The following ME2 variants were observed in gnomAD, a reference collection of about 807,000 sequenced individuals.
ME2 encodes the protein malic enzyme 2.
ME2 carries 60 observed loss-of-function variants against 73.7 expected under a neutral mutation model. The observed-to-expected ratio is 0.81, with a 90% CI of 0.66 to 1.01. The LOEUF (loss-of-function observed/expected upper bound fraction) is 1.01, where lower values mean the gene tolerates loss of function less well. Among genes scored for constraint, ME2 ranks in the 50% least tolerant of loss-of-function variants. The probability of loss-of-function intolerance (pLI) is 0.00; values close to 1 mark genes in which losing one functional copy is unlikely to be tolerated. For synonymous variants in ME2, 199 were observed against 236.9 expected, an observed-to-expected ratio of 0.84 and a Z score of 1.47; for missense variants, 594 against 705.5, an observed-to-expected ratio of 0.84 and a Z score of 1.79.
chr18:50,942,586 T>C (rs1188456010), intron 15 of ME2: 1 of 234,372 alleles, frequency 4.3e-6, no homozygotes, highest in Admixed American at 5.6e-5. Context: ...AGATCTTTTT[T>C]AAAAAGTGTT....
At chr18:50,920,897 G>C (rs1429818842) in intron 9 of ME2, 139 bp downstream of exon 9, 1 of 741,314 alleles carries the variant, frequency 1.3e-6, no homozygotes, top group Non-Finnish European at 2.2e-6. Context: ...CAAGAGTTCT[G>C]CTGTAAAACA....
chr18:50,919,499 T>TA lies in ME2; in HGVS notation c.735-956dup, dbSNP rs1330683062. ...CTTGGACAACCAAATAGTACCTTCT[T>TA]AGTTACCCCATTACCTTCACATTGT... On this transcript the variant is annotated intron_variant, in intron 7 of 15. Transcript: ENST00000321341. 5.3e-5 allele frequency among the ~76,000 whole-genome samples: 8 copies of TA among 152,266 alleles called. No individual in the cohort carries two copies. The South Asian group carries it at 1.7e-3, about 32-fold the overall frequency.
At position 50,951,150 on chromosome 18, in the gene ME2, T is replaced by A. The variant is rs765500668; in HGVS notation, c.*3966T>A. 6.6e-6 allele frequency: 1 copy of A among 152,260 alleles called. No homozygotes were observed. The highest frequency in any genetic ancestry group is 2.4e-5 in the African/African-American group (1 of 41,474). The allele number at this position is 152,260 out of a possible 1,614,324, so 9.4% of individuals were successfully genotyped here. A position where few individuals can be genotyped will look rare whatever the true frequency, so the allele number is the denominator to read the frequency against. On this transcript the variant is annotated 3_prime_UTR_variant, in exon 16 of 16. Coordinates refer to ENST00000321341, the MANE Select transcript of ME2 (RefSeq NM_002396.5). ...CATTTGTAAAAGATTAGCTATCAAA[T>A]GGACATTTATTTCTCTTAGTTTTCT...
At chr18:50,888,661 C>T (rs1299387220) in intron 1 of ME2, among the ~76,000 whole-genome samples, 1 of 151,910 alleles carries the variant, frequency 6.6e-6, no homozygotes, top group African/African-American at 2.4e-5. Context: ...TAAGTGTGTA[C>T]ATCTAATTAG....
intron 13 of ME2, among the ~76,000 whole-genome samples, chr18:50,936,602 T>TA (rs1204208182): frequency 3.9e-5 from 6 of 152,168 alleles, no homozygotes; most frequent in Non-Finnish European, 7.3e-5. Context: ...ATGTGGGACT[T>TA]ACATTGATTG....
At chr18:50,889,003 A>G (rs1200960271) in intron 1 of ME2, among the ~76,000 whole-genome samples, 1 of 152,072 alleles carries the variant, frequency 6.6e-6, no homozygotes, top group Non-Finnish European at 1.5e-5. Flanking sequence ...CAATATTTGT[A>G]TTTATACTAG....
chr18:50,931,211 G>A (rs1051433456), intron 12 of ME2, among the ~76,000 whole-genome samples: 1 of 152,210 alleles, frequency 6.6e-6, no homozygotes, highest in Non-Finnish European at 1.5e-5. Flanking sequence ...TTGGATAGAT[G>A]TGACAAATTT....
intron 13 of ME2, among the ~76,000 whole-genome samples, chr18:50,936,650 G>A (rs1917826228): frequency 6.6e-6 from 1 of 152,122 alleles, no homozygotes; most frequent in African/African-American, 2.4e-5. Flanking sequence ...GTGGAGCTGG[G>A]GACATTGGCT....
chr18:50,906,364 G>A (rs1257531596), intron 2 of ME2, among the ~76,000 whole-genome samples: 1 of 152,128 alleles, frequency 6.6e-6, no homozygotes, highest in Non-Finnish European at 1.5e-5. Flanking sequence ...CTAGGCTGGA[G>A]TACAGGGGCA....
chr18:50,946,102 G>T (rs1918076185), intron 15 of ME2, among the ~76,000 whole-genome samples: 1 of 123,056 alleles, frequency 8.1e-6, no homozygotes. Context: ...ACAGAGCAAG[G>T]CTCCATCTTA....
In ME2 at chr18:50,883,638, G is replaced by A. The variant is rs146631042; in HGVS notation, c.-13+4330G>A. On this transcript the variant is annotated intron_variant, in intron 1 of 15. Transcript: ENST00000321341. Reference sequence around the variant, plus strand: ...AGCACTTTGGGAGGCCGAGGCGGGCGGATCACCTGAGATCAGGAGTTTGAG... The same window carrying A: ...AGCACTTTGGGAGGCCGAGGCGGGCAGATCACCTGAGATCAGGAGTTTGAG... Among the ~76,000 whole-genome samples, 493 of 152,234 alleles carry A rather than the reference G, an allele frequency of 3.2e-3. 1 individual carries two copies. Among genetic ancestry groups the A allele is most frequent in the Middle Eastern group, 0.02 (6 of 294 alleles).
chr18:50,918,835 C>T (rs1477389135), intron 7 of ME2, among the ~76,000 whole-genome samples: 1 of 152,088 alleles, frequency 6.6e-6, no homozygotes, highest in Non-Finnish European at 1.5e-5. Context: ...CCATAAAAAC[C>T]CATCTGTAGT....
At chr18:50,898,307 C>T (rs745309552) in intron 2 of ME2, among the ~76,000 whole-genome samples, 2 of 152,124 alleles carry the variant, frequency 1.3e-5, no homozygotes, top group African/African-American at 2.4e-5. Flanking sequence ...ATAAAATTGA[C>T]AATTTTAACT....
chr18:50,941,984 A>G lies in ME2; in HGVS notation c.1587+1598A>G, dbSNP rs545021906. On this transcript the variant is annotated intron_variant, in intron 15 of 15. Coordinates refer to ENST00000321341, the MANE Select transcript of ME2 (RefSeq NM_002396.5). ...TTTGCTGTGGTGCAGATATTTTCCCACTTGTCATTTGTTTTAACTTTATAG... is the reference window on the plus strand; with the variant it reads ...TTTGCTGTGGTGCAGATATTTTCCCGCTTGTCATTTGTTTTAACTTTATAG... Among the ~76,000 whole-genome samples the G allele has an allele frequency of 2.0e-4, 31 of 151,768 alleles. No homozygotes were observed. In the South Asian group the frequency reaches 6.2e-3, roughly 30 times the overall value.
intron 12 of ME2, among the ~76,000 whole-genome samples, chr18:50,928,650 A>G (rs1401936061): frequency 1.3e-5 from 2 of 152,342 alleles, no homozygotes; most frequent in East Asian, 3.9e-4. Context: ...TTTTTCAAGT[A>G]GATCGCCATA....
At chr18:50,882,758 G>C (rs1336702425) in intron 1 of ME2, among the ~76,000 whole-genome samples, 2 of 152,130 alleles carry the variant, frequency 1.3e-5, no homozygotes, top group Admixed American at 6.6e-5. Context: ...AGACCAGCCT[G>C]CCCAACATGG....
chr18:50,894,608 C>T (rs1398725356), intron 1 of ME2, among the ~76,000 whole-genome samples: 3 of 149,418 alleles, frequency 2.0e-5, no homozygotes, highest in Admixed American at 6.7e-5. Context: ...CGGTGGCTCA[C>T]GCCTGTAATC....
At chr18:50,908,031 T>TA (rs1917056524) in intron 2 of ME2, 32 bp from the exon 3 acceptor site, 1 of 1,441,950 alleles carries the variant, frequency 6.9e-7, no homozygotes, top group African/African-American at 1.4e-5. Context: ...CAGTAAGTAA[T>TA]AATTTTTAAT....
At chr18:50,945,760 C>G (rs1355025376) in intron 15 of ME2, among the ~76,000 whole-genome samples, 1 of 152,096 alleles carries the variant, frequency 6.6e-6, no homozygotes, top group Non-Finnish European at 1.5e-5. Context: ...TATGTCACTA[C>G]ATTTTTTTAA....
Sources: gnomAD v4.1 joint callset for allele counts (sites outside exome capture counted in the v4.1 genomes callset) on GRCh38, gnomAD v4.1.1 for gene constraint, MANE v1.5 for transcripts, NCBI Gene and HGNC (gene_info 2026-07-23, HGNC 2026-07-21) for gene names.